The following SLC22A14 variants were observed in gnomAD, a reference collection of about 807,000 sequenced individuals.
The protein encoded by SLC22A14 is solute carrier family 22 member 14, also known as organic cation transporter-like 4.
Under a neutral mutation model 53.9 loss-of-function variants are expected in SLC22A14, and 50 were observed. That is an observed-to-expected ratio of 0.93 (90% confidence interval 0.74 to 1.17). The LOEUF (loss-of-function observed/expected upper bound fraction) is 1.17. Ranked by LOEUF, SLC22A14 falls within the 50% of genes most tolerant of loss-of-function variation. SLC22A14 has a pLI of 0.00. For missense variants in SLC22A14, 671 were observed against 734.7 expected (o/e 0.91, Z 1.00); for synonymous variants, 312 against 303.0 (o/e 1.03, Z -0.31).
chr3:38,283,251 A>AC (rs1703711815), intron 1 of SLC22A14, among the ~76,000 whole-genome samples: 1 of 152,122 alleles, frequency 6.6e-6, no homozygotes, highest in Non-Finnish European at 1.5e-5. Flanking sequence ...CTAAGTAGTA[A>AC]CCTTAACTTC....
chr3:38,290,393 C>T (rs1703886460), intron 1 of SLC22A14, among the ~76,000 whole-genome samples: 1 of 152,160 alleles, frequency 6.6e-6, no homozygotes. Context: ...TCTGGGGCTC[C>T]ATTTGAAGAT....
intron 1 of SLC22A14, chr3:38,305,265 A>T (rs1464318248): frequency 6.6e-6 from 1 of 152,188 alleles, no homozygotes; most frequent in African/African-American, 2.4e-5. Flanking sequence ...CTCAAGCTAT[A>T]ATCTCTTTGC....
At chr3:38,314,542 T>C (rs1704570531) in intron 8 of SLC22A14, among the ~76,000 whole-genome samples, 1 of 152,190 alleles carries the variant, frequency 6.6e-6, no homozygotes, top group Admixed American at 6.5e-5. Context: ...CCCTAAACAG[T>C]GGATACACCA....
chr3:38,312,485 G>C (rs1704494237), intron 5 of SLC22A14, among the ~76,000 whole-genome samples: 1 of 152,206 alleles, frequency 6.6e-6, no homozygotes, highest in Non-Finnish European at 1.5e-5. Context: ...GGACAGAGTA[G>C]AGACCTTCAC....
chr3:38,298,554 TTGTGTG>T (rs112527761), intron 1 of SLC22A14, among the ~76,000 whole-genome samples: 1 of 148,900 alleles, frequency 6.7e-6, no homozygotes, highest in Non-Finnish European at 1.5e-5. Context: ...CTTCCCTGTC[TTGTGTG>T]TGTGTGTGTG....
Position 38,307,970 on chromosome 3 carries a change from G to C in SLC22A14, c.775+250G>C. The C allele has an allele frequency of 5.6e-6, 3 of 538,454 alleles. No individual in the cohort carries two copies. In the South Asian group the frequency reaches 6.2e-5, roughly 11 times the overall value. The allele number at this position is 538,454 out of a possible 1,614,324, so 33.4% of individuals were successfully genotyped here. On this transcript the variant is annotated intron_variant, in intron 4 of 10. Transcript: ENST00000448498. This position sits in a 1 kb window ranked among gnomAD's most constrained non-coding sequence, Gnocchi z 4.4. ...GGATCTCCGTTCCTGGCTGCCTGGA[G>C]ATGTCAGAGAATCAGTGCCCTGACT... is the stretch of plus-strand genomic sequence containing the variant.
At chr3:38,301,253 G>A (rs1228146388) in intron 1 of SLC22A14, among the ~76,000 whole-genome samples, 3 of 152,144 alleles carry the variant, frequency 2.0e-5, no homozygotes, top group Non-Finnish European at 2.9e-5. Flanking sequence ...GGGTTAACTC[G>A]TTCTTTCATA....
At position 38,316,449 on chromosome 3, in the gene SLC22A14, T is replaced by C. The variant is rs1704622860; in HGVS notation, c.1658T>C (p.Phe553Ser). ...FLCCVLAIVA[F>S]SLSSLLPETR... is the part of the protein sequence containing the mutation. ...TGCTGCGTCTTAGCCATCGTGGCCT[T>C]TTCCCTCTCCTCCCTGCTGCCGGAA... The change falls in exon 10 of 11, where the codon TTT (phenylalanine) becomes TCT (serine). Residue 553 changes from phenylalanine to serine, a missense_variant. Coordinates refer to ENST00000448498, the MANE Select transcript of SLC22A14 (RefSeq NM_001320033.2). The C allele has an allele frequency of 9.3e-6, 15 of 1,614,110 alleles. No homozygotes were observed. The highest frequency in any genetic ancestry group is 1.3e-5 in the Non-Finnish European group (15 of 1,179,972).
intron 1 of SLC22A14, among the ~76,000 whole-genome samples, chr3:38,287,746 A>G (rs1424229785): frequency 6.6e-6 from 1 of 152,226 alleles, no homozygotes; most frequent in Non-Finnish European, 1.5e-5. Context: ...ATAATTTTAT[A>G]AAAAATACCT....
chr3:38,309,086 G>C lies in SLC22A14; in HGVS notation c.908G>C (p.Gly303Ala), dbSNP rs763963344. The C allele has an allele frequency of 6.4e-5, 104 of 1,614,052 alleles. 1 individual carries two copies. The highest frequency in any genetic ancestry group is 8.1e-5 in the Non-Finnish European group (95 of 1,179,978). The change falls in exon 5 of 11, where the codon GGT becomes GCT. Residue 303 changes from glycine (G) to alanine (A), a missense_variant. Physicochemically the swap from Gly to Ala is moderately conservative, Grantham distance 60. Transcript: ENST00000448498. ...CACTGGCAGCTGCTGTTTCTGGTGG[G>C]TGGGATACTTGTGATCCCCTTCATC... ...LPHWQLLFLV[G>A]GILVIPFISY...
At position 38,307,604 on chromosome 3, in the gene SLC22A14, G is replaced by A. The variant is rs781550278; in HGVS notation, c.659G>A (p.Gly220Glu). ...RYPAILLSLL[G>E]LIIFGFGTAF... ...CCTGCCATCCTGCTGTCACTGCTGG[G>A]GCTGATCATCTTCGGCTTTGGGACA... The change falls in exon 4 of 11, where the codon GGG (glycine) becomes GAG (glutamate). Residue 220 changes from glycine (G) to glutamate (E), a missense_variant. Gly to Glu is a moderately conservative substitution (Grantham distance 98). Coordinates refer to ENST00000448498, the MANE Select transcript of SLC22A14 (RefSeq NM_001320033.2). The surrounding 1 kb of genome is among the most constrained non-coding windows in gnomAD (Gnocchi z 4.4). The A allele has an allele frequency of 2.5e-6, 4 of 1,614,200 alleles. No homozygotes were observed. In the South Asian group the frequency reaches 4.4e-5, roughly 18 times the overall value.
chr3:38,313,301 G>A, intron 6 of SLC22A14, 87 bp from the exon 7 acceptor site: 2 of 1,378,544 alleles, frequency 1.5e-6, no homozygotes, highest in African/African-American at 1.4e-5. Context: ...GCACTTTCAG[G>A]GACAGGCAGG....
intron 1 of SLC22A14, among the ~76,000 whole-genome samples, chr3:38,298,873 A>G (rs897195109): frequency 1.1e-4 from 16 of 152,094 alleles, no homozygotes; most frequent in Non-Finnish European, 2.2e-4. Context: ...CCTTTATTGT[A>G]ACTCCTTTCT....
chr3:38,313,041 G>T lies in SLC22A14; in HGVS notation c.987G>T (p.Lys329Asn). The stretch of plus-strand genomic sequence containing the variant: ...CGCGGTGGCTGATGATGAAAGGGAA[G>T]GTGAAGGAGGCCAAGCAGGTGCTGT... ...ESPRWLMMKGKVKEAKQVLCY... is the reference protein window; with the variant it reads ...ESPRWLMMKGNVKEAKQVLCY... The change falls in exon 6 of 11, where the codon AAG becomes AAT. Residue 329 changes from lysine to asparagine, a missense_variant. By Grantham distance (94) the Lys-to-Asn change is moderately conservative. Transcript: ENST00000448498. 1 of 1,594,682 alleles carries T rather than the reference G, an allele frequency of 6.3e-7. No homozygotes were observed. The highest frequency in any genetic ancestry group is 8.5e-7 in the Non-Finnish European group (1 of 1,171,358).
intron 1 of SLC22A14, among the ~76,000 whole-genome samples, chr3:38,287,600 T>G (rs11708676): frequency 0.15 from 22,382 of 152,250 alleles, 1,859 homozygotes; most frequent in Non-Finnish European, 0.19. Context: ...TGTTGGCATA[T>G]TCTCATTAAT....
At chr3:38,283,451 C>T (rs111997595) in intron 1 of SLC22A14, among the ~76,000 whole-genome samples, 2,576 of 152,132 alleles carry the variant, frequency 0.017, 78 homozygotes, top group African/African-American at 0.058. Context: ...TAAGGGATCC[C>T]GAACTCAGGG....
At chr3:38,284,876 C>T (rs1703755872) in intron 1 of SLC22A14, among the ~76,000 whole-genome samples, 1 of 152,082 alleles carries the variant, frequency 6.6e-6, no homozygotes, top group Non-Finnish European at 1.5e-5. Context: ...ATGGACACCT[C>T]GTGAACTGTT....
At chr3:38,313,695 T>TGTGCGCGC (rs764031077) in intron 7 of SLC22A14, 32 bp from the exon 8 acceptor site, 12 of 1,339,454 alleles carry the variant, frequency 9.0e-6, no homozygotes, top group African/African-American at 3.6e-5. Context: ...TGCGCGCGTG[T>TGTGCGCGC]GCACGCGCAC....
Position 38,309,136 on chromosome 3 carries a change from T to C in SLC22A14, c.944+14T>C, listed in dbSNP as rs1477898307. ...CTCCTATATCTGGTGAGCAAGCGAG[T>C]ACCGGGCATGTACAGGGCTGGGTCT... On this transcript the variant is annotated intron_variant, in intron 5 of 10. Transcript: ENST00000448498. 1 of 1,611,400 alleles carries C rather than the reference T, an allele frequency of 6.2e-7. No individual in the cohort carries two copies. The highest frequency in any genetic ancestry group is 1.3e-5 in the African/African-American group (1 of 74,832).
Sources: allele counts gnomAD v4.1 joint callset (sites outside exome capture counted in the v4.1 genomes callset), GRCh38; gene constraint gnomAD v4.1.1; non-coding constraint Gnocchi (gnomAD v3.1); transcripts MANE v1.5; gene names NCBI Gene and HGNC (gene_info 2026-07-23, HGNC 2026-07-21).